The following POLG variants were observed in gnomAD, a reference collection of about 807,000 sequenced individuals.
POLG encodes the protein DNA polymerase subunit gamma-1.
Under a neutral mutation model 155.4 loss-of-function variants are expected in POLG, and 110 were observed. The ratio of observed to expected loss-of-function variants is 0.71; its 90% CI spans 0.61 to 0.83. POLG has a LOEUF of 0.83. Among genes scored for constraint, POLG ranks in the 40% least tolerant of loss-of-function variants. POLG has a pLI of 0.00. For synonymous variants in POLG, 701 were observed against 631.5 expected, an observed-to-expected ratio of 1.11 and a Z score of -1.65; for missense variants, 1,685 against 1,627.5, an observed-to-expected ratio of 1.04 and a Z score of -0.61.
At position 89,328,454 on chromosome 15, in the gene POLG, A is replaced by C; in HGVS notation, c.1250+2T>G. On this transcript the variant is annotated splice_donor_variant, in intron 6 of 22. Transcript: ENST00000268124. LOFTEE classifies it high-confidence loss of function. ...GAGATTCCCACATGGGCTCCCCCTC[A>C]CCTCTCCAAGAAGAGCGGTAGCTGC... 1 of 1,612,344 alleles carries C rather than the reference A, an allele frequency of 6.2e-7. No individual in the cohort carries two copies. The highest frequency in any genetic ancestry group is 8.5e-7 in the Non-Finnish European group (1 of 1,178,880).
rs2055613527 is a variant in POLG at position 89,332,952 on chromosome 15, CAG to C, written c.659+142_659+143del. On this transcript the variant is annotated intron_variant, in intron 2 of 22. Coordinates refer to ENST00000268124, the MANE Select transcript of POLG (RefSeq NM_002693.3). ...CACCAGAAAGTGAGTCCCACATAAA[CAG>C]GGGTCTAGTCCTAATTCAACACATC... The C allele has an allele frequency of 4.6e-6, 5 of 1,082,628 alleles. No individual in the cohort carries two copies. The South Asian group carries it at 7.5e-5, about 16-fold the overall frequency. The allele number at this position is 1,082,628 out of a possible 1,614,324, so 67.1% of individuals were successfully genotyped here. A position where few individuals can be genotyped will look rare whatever the true frequency, so the allele number is the denominator to read the frequency against.
chr15:89,318,762 G>T lies in POLG; in HGVS notation c.3274-13C>A, dbSNP rs1425728409. ...GGCTGGTCATAAACTGGGAAGGGAA[G>T]GTGGGCAGAGGTGAAAGGGGCTATG... On this transcript the variant is annotated splice_polypyrimidine_tract_variant and intron_variant, in intron 20 of 22. Coordinates refer to ENST00000268124, the MANE Select transcript of POLG (RefSeq NM_002693.3). 4 of 1,610,516 alleles carry T rather than the reference G, an allele frequency of 2.5e-6. No individual in the cohort carries two copies.
intron 7 of POLG, 46 bp downstream of exon 7, chr15:89,327,121 C>T (rs2152067021): frequency 1.9e-6 from 3 of 1,614,176 alleles, no homozygotes; most frequent in East Asian, 4.5e-5. Flanking sequence ...AGGCCGCCCA[C>T]CTGCCAGTCC....
chr15:89,320,140 T>C (rs1567186245), intron 18 of POLG, among the ~76,000 whole-genome samples: 1 of 152,232 alleles, frequency 6.6e-6, no homozygotes, highest in Non-Finnish European at 1.5e-5. Context: ...ACTTAACTTT[T>C]AGTTGTTGAC....
chr15:89,324,261 A>T, intron 10 of POLG, 34 bp from the exon 11 acceptor site: 2 of 1,608,432 alleles, frequency 1.2e-6, no homozygotes, highest in Non-Finnish European at 1.7e-6. Flanking sequence ...GCAGCCGCTG[A>T]TTACCAGATG....
chr15:89,327,257 G>A lies in POLG; in HGVS notation c.1343C>T (p.Ala448Val). ...NQNWERYLAE[A>V]QGTYEELQRE... is the part of the protein sequence containing the mutation. ...CTGGAGCTCCTCATAAGTGCCCTGTGCCTCTGCCAGGTAACGCTCCCAGTT... is the reference window on the plus strand; with the variant it reads ...CTGGAGCTCCTCATAAGTGCCCTGTACCTCTGCCAGGTAACGCTCCCAGTT... The change falls in exon 7 of 23, where the codon GCA becomes GTA. Residue 448 changes from alanine to valine, a missense_variant. Around this residue, in one of 3 missense-constraint regions of POLG, gnomAD observed 1,210 missense variants for 1,167.1 expected, o/e 1.04. Coordinates refer to ENST00000268124, the MANE Select transcript of POLG (RefSeq NM_002693.3). 6.2e-7 allele frequency: 1 copy of A among 1,614,138 alleles called. No homozygotes were observed. The highest frequency in any genetic ancestry group is 8.5e-7 in the Non-Finnish European group (1 of 1,179,950).
intron 2 of POLG, among the ~76,000 whole-genome samples, chr15:89,331,017 T>C (rs1052468524): frequency 2.4e-4 from 37 of 152,222 alleles, no homozygotes; most frequent in African/African-American, 8.9e-4. Context: ...GAATGGCCAC[T>C]GAGGAAATGC....
At chr15:89,327,397 G>A (rs990493598) in intron 6 of POLG, 48 bp from the exon 7 acceptor site, 2 of 1,570,246 alleles carry the variant, frequency 1.3e-6, no homozygotes, top group Non-Finnish European at 8.7e-7. Context: ...CAGGAGGCAA[G>A]ACTGGCCCAA....
intron 16 of POLG, 56 bp from the exon 17 acceptor site, chr15:89,321,316 A>G: frequency 6.3e-7 from 1 of 1,597,346 alleles, no homozygotes; most frequent in East Asian, 2.2e-5. Flanking sequence ...TCCTGGAGCC[A>G]GAGTTGACTG....
intron 10 of POLG, among the ~76,000 whole-genome samples, chr15:89,325,115 T>TGAGAGA (rs1567189411): frequency 1.7e-4 from 5 of 29,262 alleles, no homozygotes; most frequent in African/African-American, 1.0e-3. Flanking sequence ...TGAGAGAGAG[T>TGAGAGA]GAGTGAGTGA....
At position 89,327,253 on chromosome 15, in the gene POLG, C is replaced by T. The variant is rs1378199632; in HGVS notation, c.1347G>A (p.Gln449=). ...QNWERYLAEA[Q]GTYEELQREM... is the part of the protein sequence containing the mutation. ...CCCGCTGGAGCTCCTCATAAGTGCC[C>T]TGTGCCTCTGCCAGGTAACGCTCCC... The change falls in exon 7 of 23, where the codon CAG becomes CAA. Residue 449 remains glutamine (Q), a synonymous_variant. Transcript: ENST00000268124. 1 of 1,614,118 alleles carries T rather than the reference C, an allele frequency of 6.2e-7. No individual in the cohort carries two copies. The highest frequency in any genetic ancestry group is 8.5e-7 in the Non-Finnish European group (1 of 1,180,040).
Position 89,325,622 on chromosome 15 carries a change from TGAG to T in POLG, c.1774_1776del (p.Leu592del). The T allele has an allele frequency of 6.2e-7, 1 of 1,613,426 alleles. No individual in the cohort carries two copies. Among genetic ancestry groups the T allele is most frequent in the African/African-American group, 1.3e-5 (1 of 75,048 alleles). ...TTAGGTGTGACCCGCATCTGCAGGC[TGAG>T]GAGGCTGGGGCCCGGGGTCCATGCA... is the stretch of plus-strand genomic sequence containing the variant. On this transcript the variant is annotated inframe_deletion, in exon 10 of 23. Transcript: ENST00000268124.
intron 12 of POLG, 136 bp from the exon 13 acceptor site, chr15:89,323,647 C>A: frequency 1.2e-6 from 1 of 813,258 alleles, no homozygotes; most frequent in Non-Finnish European, 2.1e-6. Flanking sequence ...TGAGGTCTCA[C>A]CCAGGCTTTC....
In POLG at chr15:89,328,850, G is replaced by A. The variant is rs962153061; in HGVS notation, c.1024-19C>T. On this transcript the variant is annotated intron_variant, in intron 4 of 22. Transcript: ENST00000268124. ...ATGAGATCTGGGGAACCAGAGCAAG[G>A]GACATGGCAGATCAGCCTGGCCTCG... is the stretch of plus-strand genomic sequence containing the variant. The A allele has an allele frequency of 2.5e-6, 4 of 1,613,902 alleles. No homozygotes were observed. Among genetic ancestry groups the A allele is most frequent in the African/African-American group, 2.7e-5 (2 of 74,946 alleles).
intron 2 of POLG, among the ~76,000 whole-genome samples, chr15:89,331,620 G>A (rs2055595098): frequency 6.6e-6 from 1 of 152,216 alleles, no homozygotes; most frequent in African/African-American, 2.4e-5. Flanking sequence ...ACACCCTTTG[G>A]GAAGAAGCTG....
intron 6 of POLG, 71 bp from the exon 7 acceptor site, chr15:89,327,420 T>G: frequency 6.9e-7 from 1 of 1,448,816 alleles, no homozygotes; most frequent in Non-Finnish European, 9.6e-7. Flanking sequence ...CCTGAGCTGG[T>G]TTAGCAAGCC....
rs3176157 is a variant in POLG at position 89,334,158 on chromosome 15, G to C, written c.-159-245C>G. 2,783 of 315,996 alleles carry C rather than the reference G, an allele frequency of 8.8e-3. 45 individuals carry two copies. The highest frequency in any genetic ancestry group is 0.039 in the African/African-American group (1,730 of 44,356). 19.6% of individuals were successfully genotyped at this position (315,996 alleles called of 1,614,324 possible). A position where few individuals can be genotyped will look rare whatever the true frequency, so the allele number is the denominator to read the frequency against. ...GCAGCGAGTAAGAGAGCAGTATCTG[G>C]AGTAGGGCGACGCGGTTTTGAACCC... On this transcript the variant is annotated intron_variant, in intron 1 of 22. Transcript: ENST00000268124.
chr15:89,325,097 T>TGAGTGA (rs2055467011), intron 10 of POLG, among the ~76,000 whole-genome samples: 1 of 35,216 alleles, frequency 2.8e-5, no homozygotes, highest in African/African-American at 1.5e-4. Context: ...AGTGAGTGAG[T>TGAGTGA]GAGAGAGTGA....
chr15:89,322,917 G>A lies in POLG; in HGVS notation c.2266-15C>T, dbSNP rs543286870. The A allele has an allele frequency of 1.2e-6, 2 of 1,610,374 alleles. No individual in the cohort carries two copies. The highest frequency in any genetic ancestry group is 8.5e-7 in the Non-Finnish European group (1 of 1,178,484). On this transcript the variant is annotated splice_polypyrimidine_tract_variant and intron_variant, in intron 13 of 22. Coordinates refer to ENST00000268124, the MANE Select transcript of POLG (RefSeq NM_002693.3). ...CTATTACCATCCTGGACAGAGCAAA[G>A]GAAGCAGGGGCTGGAGGCAGGTGGC...
Sources: allele counts gnomAD v4.1 joint callset (sites outside exome capture counted in the v4.1 genomes callset), GRCh38; gene constraint gnomAD v4.1.1; regional missense constraint gnomAD v4.1.1; transcripts MANE v1.5; gene names NCBI Gene and HGNC (gene_info 2026-07-23, HGNC 2026-07-21).